DERA: variants seen among roughly 807,000 people sequenced by gnomAD.
The protein encoded by DERA is deoxyribose-phosphate aldolase, also known as 2-deoxy-D-ribose 5-phosphate aldolase.
DERA carries 15 observed loss-of-function variants against 41.1 expected under a neutral mutation model. That is an observed-to-expected ratio of 0.37 (90% CI 0.24 to 0.56). The LOEUF (loss-of-function observed/expected upper bound fraction) is 0.56, where lower values mean the gene tolerates loss of function less well. Ranked by LOEUF, DERA falls within the 20% of genes least tolerant of loss-of-function variation. The probability of loss-of-function intolerance (pLI) is 0.81; values close to 1 mark genes in which losing one functional copy is unlikely to be tolerated. For synonymous variants in DERA, 139 were observed against 137.4 expected (o/e 1.01, Z -0.08); for missense variants, 396 against 403.4 (o/e 0.98, Z 0.16).
chr12:15,937,415 TTGA>T (rs2136134303), intron 1 of DERA, among the ~76,000 whole-genome samples: 1 of 152,332 alleles, frequency 6.6e-6, no homozygotes, highest in East Asian at 1.9e-4. Context: ...GAAGTTAAGT[TTGA>T]TCATTTGCTT....
intron 6 of DERA, among the ~76,000 whole-genome samples, chr12:16,006,361 A>G (rs1428876845): frequency 6.6e-6 from 1 of 152,222 alleles, no homozygotes; most frequent in East Asian, 1.9e-4. Flanking sequence ...CTGACTAAAG[A>G]AATAGCTGGA....
At chr12:15,962,085 G>C (rs1197728292) in intron 4 of DERA, among the ~76,000 whole-genome samples, 6 of 152,180 alleles carry the variant, frequency 3.9e-5, no homozygotes, top group Admixed American at 3.9e-4. Flanking sequence ...GGTTTTTTTA[G>C]AAACAGGGAT....
chr12:16,036,455 G>A lies in DERA; in HGVS notation c.900+74G>A. 6.7e-7 allele frequency: 1 copy of A among 1,487,560 alleles called. No individual in the cohort carries two copies. Among genetic ancestry groups the A allele is most frequent in the Non-Finnish European group, 9.1e-7 (1 of 1,103,814 alleles). The allele number at this position is 1,487,560 out of a possible 1,614,324, so 92.1% of individuals were successfully genotyped here. A position where few individuals can be genotyped will look rare whatever the true frequency, so the allele number is the denominator to read the frequency against. On this transcript the variant is annotated intron_variant, in intron 8 of 8. Coordinates refer to ENST00000428559, the MANE Select transcript of DERA (RefSeq NM_015954.4). This position sits in a 1 kb window ranked among gnomAD's most constrained non-coding sequence, Gnocchi z 4.9. ...GAAAGGAATTGAAAAGTCAAATTGA[G>A]AACTGGAGATAAAAACTCATCTGAT...
chr12:15,953,715 C>T lies in DERA; in HGVS notation c.32-3221C>T, dbSNP rs191558847. On this transcript the variant is annotated intron_variant, in intron 1 of 8. Coordinates refer to ENST00000428559, the MANE Select transcript of DERA (RefSeq NM_015954.4). ...ATTATGTGCATTAGAATCACTTCTC[C>T]TGGAAAGGAGACGCTAAAGGGTACT... 1.5e-3 allele frequency among the ~76,000 whole-genome samples: 227 copies of T among 152,210 alleles called. 1 individual carries two copies. Among genetic ancestry groups the T allele is most frequent in the Non-Finnish European group, 1.8e-3 (125 of 68,018 alleles).
intron 5 of DERA, among the ~76,000 whole-genome samples, chr12:15,963,553 CAAAT>C (rs1162202023): frequency 5.3e-5 from 8 of 151,992 alleles, no homozygotes; most frequent in Non-Finnish European, 1.2e-4. Context: ...ATTAAAGAAT[CAAAT>C]AGATTTTACC....
Position 15,994,202 on chromosome 12 carries a change from A to G in DERA, c.637+11766A>G, listed in dbSNP as rs60356917. On this transcript the variant is annotated intron_variant, in intron 6 of 8. Transcript: ENST00000428559. This position sits in a 1 kb window ranked among gnomAD's most constrained non-coding sequence, Gnocchi z 4.8. ...GCTTGCTGATAGATTCAGGTATCAC[A>G]CATATGAGTACAGTGGCATCAATGA... 0.069 allele frequency among the ~76,000 whole-genome samples: 10,445 copies of G among 152,208 alleles called. 1,149 individuals are homozygous for G. The highest frequency in any genetic ancestry group is 0.23 in the African/African-American group (9,626 of 41,456).
At position 15,936,880 on chromosome 12, in the gene DERA, C is replaced by G. The variant is rs1253664163; in HGVS notation, c.32-20056C>G. ...CTTGTCTTGTCTTGTCTTGTCTTGT[C>G]TTGTCTTGTCCTGTCCTGTCCTGTC... is the stretch of plus-strand genomic sequence containing the variant. On this transcript the variant is annotated intron_variant, in intron 1 of 8. Coordinates refer to ENST00000428559, the MANE Select transcript of DERA (RefSeq NM_015954.4). This position sits in a 1 kb window ranked among gnomAD's most constrained non-coding sequence, Gnocchi z 4.6. Among the ~76,000 whole-genome samples, 2 of 144,724 alleles carry G rather than the reference C, an allele frequency of 1.4e-5. No homozygotes were observed. The highest frequency in any genetic ancestry group is 5.3e-5 in the African/African-American group (2 of 37,564). The allele number at this position is 144,724 out of a possible 152,430, so 94.9% of individuals were successfully genotyped here.
rs1342504750 is a variant in DERA, at chr12:15,915,815, G to C, written c.31+4401G>C. ...CTGTGAGGGAGATAGCATGATCCAG[G>C]TTTACACACGAGCAAACTGAGGTAC... is the stretch of plus-strand genomic sequence containing the variant. On this transcript the variant is annotated intron_variant, in intron 1 of 8. Transcript: ENST00000428559. The surrounding 1 kb of genome is among the most constrained non-coding windows in gnomAD (Gnocchi z 4.8). 6.6e-6 allele frequency among the ~76,000 whole-genome samples: 1 copy of C among 152,154 alleles called. No homozygotes were observed. Among genetic ancestry groups the C allele is most frequent in the African/African-American group, 2.4e-5 (1 of 41,434 alleles).
Position 15,988,185 on chromosome 12 carries a change from C to T in DERA, c.637+5749C>T, listed in dbSNP as rs750927355. On this transcript the variant is annotated intron_variant, in intron 6 of 8. Transcript: ENST00000428559. This position sits in a 1 kb window ranked among gnomAD's most constrained non-coding sequence, Gnocchi z 6.0. Reference sequence around the variant, plus strand: ...CTGAGTTCTGGGCTCCCAGAAGGGCCGCAGCTCCTTCTTCCTTCTCGTTAC... The same window carrying T: ...CTGAGTTCTGGGCTCCCAGAAGGGCTGCAGCTCCTTCTTCCTTCTCGTTAC... Among the ~76,000 whole-genome samples the T allele has an allele frequency of 1.3e-5, 2 of 152,162 alleles. No individual in the cohort carries two copies. Among genetic ancestry groups the T allele is most frequent in the South Asian group, 2.1e-4 (1 of 4,822 alleles).
At chr12:15,914,878 C>G (rs564739311) in intron 1 of DERA, among the ~76,000 whole-genome samples, 1 of 152,280 alleles carries the variant, frequency 6.6e-6, no homozygotes, top group African/African-American at 2.4e-5. Context: ...CAGGTTCAAG[C>G]AATCCTCCTG....
At chr12:15,968,985 G>T (rs1270233495) in intron 5 of DERA, among the ~76,000 whole-genome samples, 1 of 152,200 alleles carries the variant, frequency 6.6e-6, no homozygotes, top group Non-Finnish European at 1.5e-5. Context: ...TGTTACAAAT[G>T]AGGGGCTAGG....
chr12:16,016,587 C>A (rs1465313525), intron 6 of DERA, among the ~76,000 whole-genome samples: 1 of 151,712 alleles, frequency 6.6e-6, no homozygotes, highest in Non-Finnish European at 1.5e-5. Flanking sequence ...ATTACTTGAG[C>A]TCAGGAGTTC....
chr12:15,971,273 A>G (rs1013578520), intron 5 of DERA, among the ~76,000 whole-genome samples: 29 of 152,332 alleles, frequency 1.9e-4, no homozygotes, highest in African/African-American at 6.5e-4. Flanking sequence ...TATTTTCCTC[A>G]CATGTGCTCC....
intron 1 of DERA, among the ~76,000 whole-genome samples, chr12:15,939,791 A>C (rs1329158117): frequency 6.6e-6 from 1 of 152,204 alleles, no homozygotes. Context: ...GCTGATGAGA[A>C]TCAGCAGAGA....
rs1948266038 is a variant in DERA, at chr12:15,924,239, G to T, written c.31+12825G>T. On this transcript the variant is annotated intron_variant, in intron 1 of 8. Transcript: ENST00000428559. The surrounding 1 kb of genome is among the most constrained non-coding windows in gnomAD (Gnocchi z 5.0). ...GCCCAGGAGTTTGAGATTAGCCTGG[G>T]CAATATAGCAGACTCCAACAAAAAG... Among the ~76,000 whole-genome samples the T allele has an allele frequency of 6.6e-6, 1 of 152,144 alleles. No homozygotes were observed. The highest frequency in any genetic ancestry group is 2.1e-4 in the South Asian group (1 of 4,834).
chr12:15,945,795 C>G (rs1338339323), intron 1 of DERA, among the ~76,000 whole-genome samples: 1 of 152,172 alleles, frequency 6.6e-6, no homozygotes. Flanking sequence ...GAGAGGGCAT[C>G]CCTGTCTTCT....
intron 1 of DERA, among the ~76,000 whole-genome samples, chr12:15,945,434 G>A (rs896841826): frequency 2.0e-5 from 3 of 152,194 alleles, no homozygotes; most frequent in Admixed American, 1.3e-4. Context: ...TCTCCTTGAA[G>A]AGGTCCTTCA....
chr12:15,934,405 C>G (rs368691987), intron 1 of DERA, among the ~76,000 whole-genome samples: 2 of 151,888 alleles, frequency 1.3e-5, no homozygotes, highest in Non-Finnish European at 2.9e-5. Context: ...GCTAACACGG[C>G]GAAACCCCGT....
At position 16,019,445 on chromosome 12, in the gene DERA, A is replaced by T. The variant is rs749065966; in HGVS notation, c.638-13097A>T. Among the ~76,000 whole-genome samples, 2 of 152,224 alleles carry T rather than the reference A, an allele frequency of 1.3e-5. No homozygotes were observed. The highest frequency in any genetic ancestry group is 2.4e-5 in the African/African-American group (1 of 41,448). ...CACATTACCTAAAGAACAGAGCCCA[A>T]TGTCTGTGGGTTCAAAGCTCTCTAT... On this transcript the variant is annotated intron_variant, in intron 6 of 8. Transcript: ENST00000428559. This position sits in a 1 kb window ranked among gnomAD's most constrained non-coding sequence, Gnocchi z 4.4.
Sources: gnomAD v4.1 joint callset for allele counts (sites outside exome capture counted in the v4.1 genomes callset) on GRCh38, gnomAD v4.1.1 for gene constraint, Gnocchi (gnomAD v3.1) non-coding constraint, MANE v1.5 for transcripts, NCBI Gene and HGNC (gene_info 2026-07-23, HGNC 2026-07-21) for gene names.